Variants in SLC35D4 observed in about 807,000 individuals in gnomAD.
SLC35D4 encodes the protein solute carrier family 35 member D4, also known as UDP-N-acetylglucosamine transporter SLC35D4.
chr18:23,246,447 A>T, the SLC35D4 span, among the ~76,000 whole-genome samples: 1 of 151,852 alleles, frequency 6.6e-6, no homozygotes, highest in African/African-American at 2.4e-5. Context: ...GCTGAAGTGC[A>T]GTGGCAAGAT....
At chr18:23,366,950 T>C in the SLC35D4 span, among the ~76,000 whole-genome samples, 1 of 152,214 alleles carries the variant, frequency 6.6e-6, no homozygotes, top group Non-Finnish European at 1.5e-5. Context: ...GCCCTTTGCA[T>C]AGGCTAAGTC....
the SLC35D4 span, among the ~76,000 whole-genome samples, chr18:23,275,548 A>G: frequency 6.6e-6 from 1 of 152,036 alleles, no homozygotes; most frequent in African/African-American, 2.4e-5. Flanking sequence ...AGGTAAATGG[A>G]GCGGGACAGG....
At chr18:23,255,970 A>G in the SLC35D4 span, among the ~76,000 whole-genome samples, 2 of 152,344 alleles carry the variant, frequency 1.3e-5, no homozygotes, top group Admixed American at 6.5e-5. Context: ...ACTTTACCTT[A>G]TTCAAGGTGC....
At chr18:23,365,611 A>C in the SLC35D4 span, 9 of 1,612,760 alleles carry the variant, frequency 5.6e-6, no homozygotes, top group South Asian at 9.9e-5. Flanking sequence ...AGACAAACAA[A>C]ACAACACTCC....
chr18:23,362,726 C>G, the SLC35D4 span, among the ~76,000 whole-genome samples: 2 of 152,220 alleles, frequency 1.3e-5, no homozygotes, highest in South Asian at 4.1e-4. Context: ...ACCCCAGTCT[C>G]CCTCTGCTAG....
chr18:23,368,226 G>A, the SLC35D4 span, among the ~76,000 whole-genome samples: 3 of 152,116 alleles, frequency 2.0e-5, no homozygotes, highest in Non-Finnish European at 4.4e-5. Context: ...TTCCACCCCA[G>A]GCTTCATCCT....
At chr18:23,407,041 C>T in the SLC35D4 span, among the ~76,000 whole-genome samples, 1 of 152,152 alleles carries the variant, frequency 6.6e-6, no homozygotes, top group African/African-American at 2.4e-5. Context: ...AACTCCTAGC[C>T]TCAAACAACT....
At chr18:23,253,581 A>G in the SLC35D4 span, 1 of 661,230 alleles carries the variant, frequency 1.5e-6, no homozygotes, top group South Asian at 2.0e-5. Context: ...TGCATAACGC[A>G]GCCTTCACAC....
the SLC35D4 span, among the ~76,000 whole-genome samples, chr18:23,300,903 C>T: frequency 6.6e-6 from 1 of 152,248 alleles, no homozygotes; most frequent in Non-Finnish European, 1.5e-5. Flanking sequence ...ACCGAAGCCT[C>T]CATCTAAATT....
At chr18:23,330,973 G>A in the SLC35D4 span, 1 of 152,242 alleles carries the variant, frequency 6.6e-6, no homozygotes, top group African/African-American at 2.4e-5. Flanking sequence ...TGGGCAACTA[G>A]CGAGACCCCA....
chr18:23,345,127 A>C, the SLC35D4 span, among the ~76,000 whole-genome samples: 1 of 152,126 alleles, frequency 6.6e-6, no homozygotes, highest in South Asian at 2.1e-4. Context: ...CAAGGATCTA[A>C]GATTGTTTAT....
chr18:23,275,016 T>TGCTTGTGTGAGTGTGCGTATGC, the SLC35D4 span, among the ~76,000 whole-genome samples: 117,810 of 149,206 alleles, frequency 0.79, 47,229 homozygotes, highest in African/African-American at 0.93. Flanking sequence ...TGTATGTGTG[T>TGCTTGTGTGAGTGTGCGTATGC]GCTTGTGTGT....
At chr18:23,269,574 TG>T in the SLC35D4 span, among the ~76,000 whole-genome samples, 1 of 152,176 alleles carries the variant, frequency 6.6e-6, no homozygotes, top group Non-Finnish European at 1.5e-5. Flanking sequence ...ATTTTGGAAC[TG>T]GGTAACAGGC....
At chr18:23,385,076 A>G in the SLC35D4 span, 1 of 1,607,408 alleles carries the variant, frequency 6.2e-7, no homozygotes, top group African/African-American at 1.3e-5. Context: ...GCCTGAAAGA[A>G]AACAGAATAA....
chr18:23,368,611 C>A, the SLC35D4 span: 2 of 742,246 alleles, frequency 2.7e-6, no homozygotes, highest in Non-Finnish European at 4.3e-6. Context: ...AACTTATCTT[C>A]CTGGCAGGCA....
At chr18:23,304,819 CCCCAACTCTCAG>C in the SLC35D4 span, among the ~76,000 whole-genome samples, 1 of 152,130 alleles carries the variant, frequency 6.6e-6, no homozygotes. Context: ...CTCTTCCATC[CCCCAACTCTCAG>C]CCCAGCTAAG....
chr18:23,332,371 G>T, the SLC35D4 span, among the ~76,000 whole-genome samples: 1 of 152,250 alleles, frequency 6.6e-6, no homozygotes, highest in East Asian at 1.9e-4. Context: ...ATATGTCTTT[G>T]TTTCTCTTGG....
At chr18:23,375,801 C>T in the SLC35D4 span, among the ~76,000 whole-genome samples, 3 of 152,146 alleles carry the variant, frequency 2.0e-5, no homozygotes, top group African/African-American at 7.2e-5. Flanking sequence ...AAAAAAGTAA[C>T]ACTGCCAAAC....
chr18:23,332,857 C>G, the SLC35D4 span, among the ~76,000 whole-genome samples: 1 of 151,698 alleles, frequency 6.6e-6, no homozygotes, highest in South Asian at 2.1e-4. Flanking sequence ...GACATATAAG[C>G]AAACTGACAC....
Sources: gnomAD v4.1 joint callset for allele counts (sites outside exome capture counted in the v4.1 genomes callset) on GRCh38, gnomAD v4.1.1 for gene constraint, MANE v1.5 for transcripts, NCBI Gene and HGNC (gene_info 2026-07-23, HGNC 2026-07-21) for gene names.